The following TMEM163 variants were observed in gnomAD, a reference collection of about 807,000 sequenced individuals.
TMEM163 encodes transmembrane protein 163.
In TMEM163, 17 loss-of-function variants were observed where a neutral mutation model predicts 29.3. The ratio of observed to expected loss-of-function variants is 0.58; its 90% CI spans 0.40 to 0.87. The LOEUF (loss-of-function observed/expected upper bound fraction) is 0.87. Among genes scored for constraint, TMEM163 ranks in the 40% least tolerant of loss-of-function variants. The pLI, the probability that TMEM163 is intolerant of heterozygous loss-of-function variation, is 0.00. For missense variants in TMEM163, 303 were observed against 381.5 expected (o/e 0.79, Z 1.71); for synonymous variants, 157 against 160.6 (o/e 0.98, Z 0.17).
At chr2:134,551,401 T>G (rs1480660706) in intron 3 of TMEM163, among the ~76,000 whole-genome samples, 4 of 152,122 alleles carry the variant, frequency 2.6e-5, no homozygotes. Flanking sequence ...GAAGTGGGTC[T>G]GGGAACAGGC....
intron 2 of TMEM163, among the ~76,000 whole-genome samples, chr2:134,697,319 C>A (rs1684604069): frequency 6.6e-6 from 1 of 152,116 alleles, no homozygotes. Flanking sequence ...TGGGCTGAGT[C>A]TGCCTAATTT....
In TMEM163 at chr2:134,642,128, A is replaced by AT. The variant is rs1011968095; in HGVS notation, c.322+71071dup. 1.4e-3 allele frequency among the ~76,000 whole-genome samples: 213 copies of AT among 147,080 alleles called. 1 individual carries two copies. The highest frequency in any genetic ancestry group is 3.4e-3 in the Middle Eastern group (1 of 290). On this transcript the variant is annotated intron_variant, in intron 2 of 7. Coordinates refer to ENST00000281924, the MANE Select transcript of TMEM163 (RefSeq NM_030923.5). ...GATTGGTTATTAAGACCAATCCACG[A>AT]TTTTTTTTTTTTCTGAAATGGAGTC...
At chr2:134,580,273 C>T (rs1309871035) in intron 2 of TMEM163, among the ~76,000 whole-genome samples, 1 of 152,010 alleles carries the variant, frequency 6.6e-6, no homozygotes, top group Non-Finnish European at 1.5e-5. Flanking sequence ...TTAATTAGGC[C>T]ACCTCAACCC....
intron 2 of TMEM163, among the ~76,000 whole-genome samples, chr2:134,669,031 C>T (rs1314848726): frequency 1.3e-5 from 2 of 152,148 alleles, no homozygotes; most frequent in Non-Finnish European, 2.9e-5. Context: ...CAGGGCGCCC[C>T]GTGGCCACAT....
chr2:134,533,446 G>A (rs77030055), intron 4 of TMEM163, among the ~76,000 whole-genome samples: 1,985 of 152,302 alleles, frequency 0.013, 51 homozygotes, highest in African/African-American at 0.044. Flanking sequence ...GCACCAAACT[G>A]TTCACTGTGA....
At chr2:134,484,992 CA>C (rs931054843) in intron 5 of TMEM163, among the ~76,000 whole-genome samples, 4 of 152,118 alleles carry the variant, frequency 2.6e-5, no homozygotes, top group Non-Finnish European at 5.9e-5. Context: ...TGGATAAAAA[CA>C]AAAACTTGGA....
At chr2:134,640,039 T>C (rs1474363429) in intron 2 of TMEM163, among the ~76,000 whole-genome samples, 1 of 152,256 alleles carries the variant, frequency 6.6e-6, no homozygotes, top group African/African-American at 2.4e-5. Flanking sequence ...TTCTCTTTAC[T>C]GCCATTTCTA....
intron 2 of TMEM163, among the ~76,000 whole-genome samples, chr2:134,557,218 G>A (rs538448606): frequency 2.1e-4 from 32 of 152,342 alleles, no homozygotes; most frequent in African/African-American, 6.5e-4. Context: ...ACAAGATGAA[G>A]CATGTGCTAC....
intron 4 of TMEM163, among the ~76,000 whole-genome samples, chr2:134,536,764 A>T (rs1337330244): frequency 1.3e-5 from 2 of 152,082 alleles, no homozygotes; most frequent in Non-Finnish European, 2.9e-5. Flanking sequence ...TAGGTCAAAA[A>T]CCTGTCAGAT....
At chr2:134,505,433 G>A (rs1400212712) in intron 4 of TMEM163, among the ~76,000 whole-genome samples, 2 of 151,926 alleles carry the variant, frequency 1.3e-5, no homozygotes, top group Admixed American at 6.6e-5. Context: ...ACTGTGAGGT[G>A]ACAACACAGG....
At chr2:134,506,218 T>C (rs551417963) in intron 4 of TMEM163, among the ~76,000 whole-genome samples, 11 of 152,342 alleles carry the variant, frequency 7.2e-5, no homozygotes, top group African/African-American at 2.4e-4. Flanking sequence ...AAAAACTCAT[T>C]TGCATCTTTT....
chr2:134,567,404 G>GT (rs1681320312), intron 2 of TMEM163, among the ~76,000 whole-genome samples: 1 of 152,136 alleles, frequency 6.6e-6, no homozygotes, highest in East Asian at 1.9e-4. Context: ...AAAATAAAGA[G>GT]TCAGGAGCTG....
At chr2:134,633,961 A>G (rs1683034419) in intron 2 of TMEM163, among the ~76,000 whole-genome samples, 1 of 110,656 alleles carries the variant, frequency 9.0e-6, no homozygotes, top group African/African-American at 3.4e-5. Context: ...CTCAAAAAAA[A>G]AATACATATA....
In TMEM163 at chr2:134,588,702, C is replaced by G. The variant is rs116584923; in HGVS notation, c.323-36611G>C. Among the ~76,000 whole-genome samples the G allele has an allele frequency of 7.6e-3, 1,163 of 152,292 alleles. 22 individuals carry two copies. The highest frequency in any genetic ancestry group is 0.027 in the African/African-American group (1,107 of 41,546). ...AGGAGGTATGCATGGACCCTGACCC[C>G]TACAAACTCATTCCAGTAAGGCAAT... On this transcript the variant is annotated intron_variant, in intron 2 of 7. Transcript: ENST00000281924.
At chr2:134,563,850 T>A (rs943850328) in intron 2 of TMEM163, among the ~76,000 whole-genome samples, 14 of 152,000 alleles carry the variant, frequency 9.2e-5, no homozygotes, top group African/African-American at 3.4e-4. Flanking sequence ...AGGTCAGGAG[T>A]TCGAGACCAA....
At chr2:134,642,377 G>A (rs760507196) in intron 2 of TMEM163, among the ~76,000 whole-genome samples, 40 of 152,092 alleles carry the variant, frequency 2.6e-4, no homozygotes, top group South Asian at 8.4e-4. Flanking sequence ...TGATCCACCC[G>A]CCTTGACCTC....
chr2:134,649,972 T>C (rs1157650325), intron 2 of TMEM163, among the ~76,000 whole-genome samples: 1 of 128,996 alleles, frequency 7.8e-6, no homozygotes, highest in African/African-American at 3.1e-5. Flanking sequence ...ACCACTGCAC[T>C]CCAGCCTGGG....
At chr2:134,644,527 GAAC>G (rs1683292521) in intron 2 of TMEM163, among the ~76,000 whole-genome samples, 1 of 152,068 alleles carries the variant, frequency 6.6e-6, no homozygotes, top group South Asian at 2.1e-4. Flanking sequence ...AATGATGTTA[GAAC>G]AACCAAACAT....
chr2:134,550,686 G>A (rs1680897166), intron 3 of TMEM163, 25 bp from the exon 4 acceptor site: 2 of 1,608,392 alleles, frequency 1.2e-6, no homozygotes, highest in Non-Finnish European at 1.7e-6. Flanking sequence ...CATGGCATTA[G>A]AGGCTTTCCA....
Sources: allele counts gnomAD v4.1 joint callset (sites outside exome capture counted in the v4.1 genomes callset), GRCh38; gene constraint gnomAD v4.1.1; transcripts MANE v1.5; gene names NCBI Gene and HGNC (gene_info 2026-07-23, HGNC 2026-07-21).